The following IGDCC3 variants were observed in gnomAD, a reference collection of about 807,000 sequenced individuals.
IGDCC3 encodes immunoglobulin superfamily DCC subclass member 3, also known as putative neuronal cell adhesion molecule.
A neutral mutation model predicts 72.0 loss-of-function variants in IGDCC3; 47 were observed. The observed-to-expected ratio is 0.65, with a 90% CI of 0.52 to 0.83. The LOEUF is 0.83. Among genes scored for constraint, IGDCC3 ranks in the 40% least tolerant of loss-of-function variants. The pLI is 0.00. For missense variants in IGDCC3, 1,038 were observed against 1,091.3 expected (o/e 0.95, Z 0.69); for synonymous variants, 477 against 472.8 (o/e 1.01, Z -0.11).
intron 2 of IGDCC3, among the ~76,000 whole-genome samples, chr15:65,351,563 C>T (rs556541778): frequency 6.4e-4 from 97 of 150,530 alleles, no homozygotes; most frequent in African/African-American, 2.0e-3. Context: ...TCTTACCTTA[C>T]GGTTAAACAT....
intron 2 of IGDCC3, among the ~76,000 whole-genome samples, chr15:65,350,872 T>G (rs1428466550): frequency 6.6e-6 from 1 of 152,236 alleles, no homozygotes; most frequent in Non-Finnish European, 1.5e-5. Flanking sequence ...AAATAAAAGT[T>G]GCTAAGAGTT....
chr15:65,355,422 G>A (rs907635767), intron 2 of IGDCC3, among the ~76,000 whole-genome samples: 55 of 151,942 alleles, frequency 3.6e-4, no homozygotes, highest in Admixed American at 3.6e-3. Context: ...GTGGGAGCGT[G>A]ATGGGGAGCG....
At chr15:65,371,758 C>T (rs898165171) in intron 2 of IGDCC3, among the ~76,000 whole-genome samples, 2 of 152,176 alleles carry the variant, frequency 1.3e-5, no homozygotes, top group African/African-American at 4.8e-5. Flanking sequence ...CCCCATCCTC[C>T]TCCCTGTAGC....
At position 65,329,091 on chromosome 15, in the gene IGDCC3, G is replaced by GC. The variant is rs1293352916; in HGVS notation, c.2262_2263insG (p.Gln755AlafsTer41). 1 of 1,611,116 alleles carries GC rather than the reference G, an allele frequency of 6.2e-7. No individual in the cohort carries two copies. The highest frequency in any genetic ancestry group is 1.3e-5 in the African/African-American group (1 of 74,924). ...TTCCCCTCCATCAGGCCGCACCCCT[G>GC]AAGTGGCAGCACGGAGAGCTGGGTC... On this transcript the variant is annotated frameshift_variant, in exon 14 of 14. Transcript: ENST00000327987. LOFTEE classifies it low-confidence loss of function (END_TRUNC). The surrounding 1 kb of genome is among the most constrained non-coding windows in gnomAD (Gnocchi z 4.1).
At position 65,333,336 on chromosome 15, in the gene IGDCC3, G is replaced by GTGCT. The variant is rs1215671772; in HGVS notation, c.899_902dup (p.His301GlnfsTer32). 1 of 1,613,288 alleles carries GTGCT rather than the reference G, an allele frequency of 6.2e-7. No homozygotes were observed. Among genetic ancestry groups the GTGCT allele is most frequent in the South Asian group, 1.1e-5 (1 of 90,980 alleles). ...TGGCTGCACAGACGTAGACGCCAGA[G>GTGCT]TGCTGGACCGTCACGTCTGAGATGA... On this transcript the variant is annotated frameshift_variant, in exon 6 of 14. Coordinates refer to ENST00000327987, the MANE Select transcript of IGDCC3 (RefSeq NM_004884.4). LOFTEE classifies it high-confidence loss of function.
rs1231292977 is a variant in IGDCC3 at position 65,327,583 on chromosome 15, T to G, written c.*1326A>C. 1 of 152,484 alleles carries G rather than the reference T, an allele frequency of 6.6e-6. No homozygotes were observed. Among genetic ancestry groups the G allele is most frequent in the Non-Finnish European group, 1.5e-5 (1 of 68,044 alleles). 9.4% of individuals were successfully genotyped at this position (152,484 alleles called of 1,614,324 possible). On this transcript the variant is annotated 3_prime_UTR_variant, in exon 14 of 14. Transcript: ENST00000327987. ...GAGTATAACCAAAAATAGGTATTTG[T>G]TTCCTTGGTTTTCTTTTCTTCTTCT... is the stretch of plus-strand genomic sequence containing the variant.
Position 65,334,733 on chromosome 15 carries a change from C to G in IGDCC3, c.818G>C (p.Arg273Pro), listed in dbSNP as rs759630428. 1.3e-6 allele frequency: 2 copies of G among 1,566,212 alleles called. No homozygotes were observed. The highest frequency in any genetic ancestry group is 1.7e-6 in the Non-Finnish European group (2 of 1,156,230). The change falls in exon 5 of 14, where the codon CGC becomes CCC. Residue 273 changes from arginine to proline, a missense_variant. Physicochemically the swap from Arg to Pro is moderately radical, Grantham distance 103 (BLOSUM62 -2). Coordinates refer to ENST00000327987, the MANE Select transcript of IGDCC3 (RefSeq NM_004884.4). ...GCTGTGGGGATGAGGCTCACCCAGG[C>G]GGCTCCAGGACACAATGGGGCGCGG... is the stretch of plus-strand genomic sequence containing the variant. ...GNPRPIVSWS[R>P]LDGRPIGVEG... is the part of the protein sequence containing the mutation.
chr15:65,373,860 T>G (rs2091342173), intron 2 of IGDCC3: 2 of 152,318 alleles, frequency 1.3e-5, no homozygotes, highest in Non-Finnish European at 1.5e-5. Context: ...TAGACCTGGG[T>G]GCAGGAGCTC....
At chr15:65,351,345 T>C (rs933139274) in intron 2 of IGDCC3, among the ~76,000 whole-genome samples, 8 of 152,176 alleles carry the variant, frequency 5.3e-5, no homozygotes, top group Admixed American at 2.6e-4. Flanking sequence ...CCATCCTGGC[T>C]AACACGGTGA....
chr15:65,343,634 T>C (rs1029123130), intron 2 of IGDCC3, among the ~76,000 whole-genome samples: 2 of 152,260 alleles, frequency 1.3e-5, no homozygotes, highest in African/African-American at 2.4e-5. Context: ...CTCCGAGGTA[T>C]AGTTAAAACA....
intron 2 of IGDCC3, among the ~76,000 whole-genome samples, chr15:65,353,354 A>C (rs2091186957): frequency 6.6e-6 from 1 of 151,640 alleles, no homozygotes; most frequent in Admixed American, 6.6e-5. Context: ...GGGTTCAAGC[A>C]ATTCTCCTGC....
At chr15:65,348,433 T>A (rs1231073311) in intron 2 of IGDCC3, among the ~76,000 whole-genome samples, 1 of 152,130 alleles carries the variant, frequency 6.6e-6, no homozygotes, top group Non-Finnish European at 1.5e-5. Flanking sequence ...AACAGCTACC[T>A]TTGGGTAAGT....
Position 65,377,949 on chromosome 15 carries a change from G to A in IGDCC3, c.-161C>T, listed in dbSNP as rs1434305209. ...CCGCATGCCTGCTCAGCAGCGCGGG[G>A]GGCGCAGGGGGAGCGCCGCTTGCGC... On this transcript the variant is annotated 5_prime_UTR_variant, in exon 1 of 14. Transcript: ENST00000327987. The surrounding 1 kb of genome is among the most constrained non-coding windows in gnomAD (Gnocchi z 4.9). 1.7e-6 allele frequency: 1 copy of A among 584,704 alleles called. No homozygotes were observed. Among genetic ancestry groups the A allele is most frequent in the East Asian group, 1.3e-4 (1 of 7,598 alleles). The allele number at this position is 584,704 out of a possible 1,614,324, so 36.2% of individuals were successfully genotyped here. A position where few individuals can be genotyped will look rare whatever the true frequency, so the allele number is the denominator to read the frequency against.
At chr15:65,366,262 C>T (rs1433220581) in intron 2 of IGDCC3, among the ~76,000 whole-genome samples, 1 of 151,164 alleles carries the variant, frequency 6.6e-6, no homozygotes, top group Admixed American at 6.6e-5. Context: ...GCCTGTAGTC[C>T]CAGCTACTCA....
At chr15:65,346,218 T>C (rs1171369649) in intron 2 of IGDCC3, among the ~76,000 whole-genome samples, 1 of 152,028 alleles carries the variant, frequency 6.6e-6, no homozygotes, top group African/African-American at 2.4e-5. Flanking sequence ...TCCTAATTTC[T>C]ATTAATACAG....
Position 65,328,382 on chromosome 15 carries a change from A to G in IGDCC3, c.*527T>C, listed in dbSNP as rs940458152. 1 of 140,634 alleles carries G rather than the reference A, an allele frequency of 7.1e-6. No homozygotes were observed. The highest frequency in any genetic ancestry group is 1.5e-5 in the Non-Finnish European group (1 of 66,338). The allele number at this position is 140,634 out of a possible 1,614,324, so 8.7% of individuals were successfully genotyped here. On this transcript the variant is annotated 3_prime_UTR_variant, in exon 14 of 14. Coordinates refer to ENST00000327987, the MANE Select transcript of IGDCC3 (RefSeq NM_004884.4). ...GCAAGGGGACTTGAGGTAGGAGTGC[A>G]TTCGGGCTCTGTGGGGTAAGGGGGC...
chr15:65,351,458 C>T (rs866050410), intron 2 of IGDCC3, among the ~76,000 whole-genome samples: 3 of 149,742 alleles, frequency 2.0e-5, no homozygotes, highest in East Asian at 2.0e-4. Flanking sequence ...GGTGTGAACC[C>T]GGGAGGCAGA....
At chr15:65,375,485 C>G in intron 1 of IGDCC3, 83 bp from the exon 2 acceptor site, 1 of 1,178,028 alleles carries the variant, frequency 8.5e-7, no homozygotes, top group Non-Finnish European at 1.2e-6. Context: ...CCACATGGTT[C>G]CAAGTTCCTT....
intron 2 of IGDCC3, chr15:65,356,059 G>C (rs1349684956): frequency 3.8e-6 from 1 of 261,900 alleles, no homozygotes; most frequent in Admixed American, 5.2e-5. Flanking sequence ...TCCACCTGCA[G>C]ATTCTCAGGG....
Sources: gnomAD v4.1 joint callset for allele counts (sites outside exome capture counted in the v4.1 genomes callset) on GRCh38, gnomAD v4.1.1 for gene constraint, Gnocchi (gnomAD v3.1) non-coding constraint, MANE v1.5 for transcripts, NCBI Gene and HGNC (gene_info 2026-07-23, HGNC 2026-07-21) for gene names.